Variants in RIPK4 observed in about 807,000 individuals in gnomAD.
The protein encoded by RIPK4 is receptor-interacting serine/threonine-protein kinase 4.
A neutral mutation model predicts 42.9 loss-of-function variants in RIPK4; 17 were observed. The ratio of observed to expected loss-of-function variants is 0.40; its 90% CI spans 0.27 to 0.59. The LOEUF is 0.59. RIPK4 is among the 20% of genes least tolerant of loss of function. The pLI, the probability that RIPK4 is intolerant of heterozygous loss-of-function variation, is 0.47. For synonymous variants in RIPK4, 498 were observed against 499.1 expected (o/e 1.00, Z 0.03); for missense variants, 897 against 1,104.4 (o/e 0.81, Z 2.66).
chr21:41,762,127 TC>T (rs1212789061), intron 1 of RIPK4, among the ~76,000 whole-genome samples: 8 of 151,900 alleles, frequency 5.3e-5, no homozygotes, highest in African/African-American at 1.9e-4. Flanking sequence ...CGGCACGACT[TC>T]CCCCTTCCAT....
chr21:41,760,488 G>A (rs2061217406), intron 1 of RIPK4, among the ~76,000 whole-genome samples: 1 of 152,252 alleles, frequency 6.6e-6, no homozygotes, highest in Non-Finnish European at 1.5e-5. Context: ...AAGGGCCCCT[G>A]AGAGAATCGG....
intron 1 of RIPK4, among the ~76,000 whole-genome samples, chr21:41,765,218 G>C (rs2061232519): frequency 6.6e-6 from 1 of 152,198 alleles, no homozygotes; most frequent in Non-Finnish European, 1.5e-5. Context: ...ATCCCCAAGA[G>C]ATAAAACGAA....
chr21:41,744,526 G>A (rs1349998205), intron 6 of RIPK4, among the ~76,000 whole-genome samples: 1 of 152,240 alleles, frequency 6.6e-6, no homozygotes, highest in East Asian at 1.9e-4. Context: ...CTTAAGGAAA[G>A]ATAGCCTTCA....
At chr21:41,759,074 G>T (rs796262018) in intron 1 of RIPK4, among the ~76,000 whole-genome samples, 2 of 152,156 alleles carry the variant, frequency 1.3e-5, no homozygotes, top group African/African-American at 2.4e-5. Flanking sequence ...TGCATTCCAG[G>T]TTGGGGCTGG....
intron 1 of RIPK4, among the ~76,000 whole-genome samples, chr21:41,763,672 G>C (rs180974860): frequency 6.6e-6 from 1 of 152,180 alleles, no homozygotes; most frequent in Non-Finnish European, 1.5e-5. Flanking sequence ...ATCCAATTAT[G>C]TTCCCAGGGA....
intron 4 of RIPK4, among the ~76,000 whole-genome samples, chr21:41,747,010 T>G (rs1342347674): frequency 1.3e-5 from 2 of 152,248 alleles, no homozygotes; most frequent in African/African-American, 4.8e-5. Flanking sequence ...GGTTCTGATC[T>G]ACCAGAAGGA....
rs971015441 is a variant in RIPK4, at chr21:41,741,067, A to G, written c.2126T>C (p.Leu709Pro). 5.0e-6 allele frequency: 8 copies of G among 1,610,948 alleles called. No individual in the cohort carries two copies. The Admixed American group carries it at 1.0e-4, about 20-fold the overall frequency. Residue 709 changes from leucine to proline, a missense_variant, in exon 8 of 8, where the codon CTG (leucine) becomes CCG (proline). Coordinates refer to ENST00000332512, the MANE Select transcript of RIPK4 (RefSeq NM_020639.3). ...RGPLNQTALH[L>P]AAAHGHSEVV... ...CTCCGAGTGCCCGTGGGCGGCAGCC[A>G]GGTGCAGCGCCGTCTGGTTCAGGGG...
chr21:41,743,530 C>G (rs2061160974), intron 7 of RIPK4, among the ~76,000 whole-genome samples: 1 of 152,166 alleles, frequency 6.6e-6, no homozygotes, highest in Admixed American at 6.5e-5. Flanking sequence ...ACTGCCACGC[C>G]CGAGACAGGA....
At chr21:41,764,989 T>C (rs1368461306) in intron 1 of RIPK4, among the ~76,000 whole-genome samples, 1 of 152,206 alleles carries the variant, frequency 6.6e-6, no homozygotes, top group Non-Finnish European at 1.5e-5. Flanking sequence ...CAAAACACTT[T>C]TCAACCAAGC....
At chr21:41,760,259 G>A (rs1424983401) in intron 1 of RIPK4, among the ~76,000 whole-genome samples, 1 of 152,210 alleles carries the variant, frequency 6.6e-6, no homozygotes, top group Admixed American at 6.5e-5. Flanking sequence ...AAGCAGTTCT[G>A]TGTATTGGCA....
intron 6 of RIPK4, among the ~76,000 whole-genome samples, chr21:41,745,267 C>T (rs1281405031): frequency 6.6e-6 from 1 of 152,208 alleles, no homozygotes; most frequent in Non-Finnish European, 1.5e-5. Context: ...ATCAGCTGGG[C>T]CTCACAGGTC....
Position 41,740,788 on chromosome 21 carries a change from A to G in RIPK4, c.*50T>C. On this transcript the variant is annotated 3_prime_UTR_variant, in exon 8 of 8. Coordinates refer to ENST00000332512, the MANE Select transcript of RIPK4 (RefSeq NM_020639.3). ...ATCGTTCCATCCCCACGAGGAACAC[A>G]GGACAGGACAAGAGCCCCACGTGGA... 6.6e-7 allele frequency: 1 copy of G among 1,518,308 alleles called. No homozygotes were observed. The allele number at this position is 1,518,308 out of a possible 1,614,324, so 94.1% of individuals were successfully genotyped here. A position where few individuals can be genotyped will look rare whatever the true frequency, so the allele number is the denominator to read the frequency against.
rs759404185 is a variant in RIPK4 at position 41,751,128 on chromosome 21, G to A, written c.592C>T (p.Arg198Trp). Residue 198 changes from arginine (R) to tryptophan (W), a missense_variant, in exon 3 of 8, where the codon CGG becomes TGG. By Grantham distance (101) the Arg-to-Trp change is moderately radical (BLOSUM62 -3). Coordinates refer to ENST00000332512, the MANE Select transcript of RIPK4 (RefSeq NM_020639.3). This position sits in a 1 kb window ranked among gnomAD's most constrained non-coding sequence, Gnocchi z 4.5. ...LPPERIREKSRLFDTKHDVYS... is the reference protein window; with the variant it reads ...LPPERIREKSWLFDTKHDVYS... ...ACATCGTGCTTGGTGTCGAAGAGCC[G>A]GCTCTTCTCCCTGATGCGCTCTGGA... 2.0e-5 allele frequency: 32 copies of A among 1,614,154 alleles called. No homozygotes were observed. Among genetic ancestry groups the A allele is most frequent in the Non-Finnish European group, 2.3e-5 (27 of 1,180,020 alleles).
chr21:41,763,855 T>C (rs1257955017), intron 1 of RIPK4, among the ~76,000 whole-genome samples: 1 of 152,204 alleles, frequency 6.6e-6, no homozygotes, highest in Non-Finnish European at 1.5e-5. Flanking sequence ...TGGCTTCTTC[T>C]GAGCATCCCC....
chr21:41,754,804 C>A (rs1171440408), intron 2 of RIPK4, among the ~76,000 whole-genome samples: 5 of 152,094 alleles, frequency 3.3e-5, no homozygotes, highest in Non-Finnish European at 5.9e-5. Flanking sequence ...CTGCTACGTG[C>A]AGTGGTCATT....
intron 1 of RIPK4, among the ~76,000 whole-genome samples, chr21:41,760,095 A>T (rs1244375127): frequency 6.6e-6 from 1 of 152,260 alleles, no homozygotes; most frequent in Non-Finnish European, 1.5e-5. Context: ...TGCATAAGAC[A>T]GCCCCAAGGC....
intron 4 of RIPK4, among the ~76,000 whole-genome samples, chr21:41,747,667 T>C (rs2061176039): frequency 6.6e-6 from 1 of 152,212 alleles, no homozygotes; most frequent in Admixed American, 6.5e-5. Flanking sequence ...GTGCAATAAA[T>C]ATCGTTAAGT....
In RIPK4 at chr21:41,741,438, G is replaced by A. The variant is rs765274967; in HGVS notation, c.1755C>T (p.Ile585=). Residue 585 remains isoleucine (I), a synonymous_variant, in exon 8 of 8, where the codon ATC becomes ATT. Transcript: ENST00000332512. ...HYAAWQGHLP[I]VKLLAKQPGV... is the part of the protein sequence containing the mutation. Reference sequence around the variant, plus strand: ...CCGGCTGCTTGGCCAGCAGCTTGACGATGGGCAGGTGGCCCTGCCAGGCAG... The same window carrying A: ...CCGGCTGCTTGGCCAGCAGCTTGACAATGGGCAGGTGGCCCTGCCAGGCAG... 61 of 1,612,880 alleles carry A rather than the reference G, an allele frequency of 3.8e-5. No individual in the cohort carries two copies. Among genetic ancestry groups the A allele is most frequent in the Admixed American group, 5.0e-5 (3 of 60,030 alleles).
rs980487488 is a variant in RIPK4 at position 41,740,415 on chromosome 21, C to T, written c.*423G>A. 2 of 176,928 alleles carry T rather than the reference C, an allele frequency of 1.1e-5. No homozygotes were observed. The highest frequency in any genetic ancestry group is 4.7e-5 in the African/African-American group (2 of 42,390). The allele number at this position is 176,928 out of a possible 1,614,324, so 11.0% of individuals were successfully genotyped here. A position where few individuals can be genotyped will look rare whatever the true frequency, so the allele number is the denominator to read the frequency against. On this transcript the variant is annotated 3_prime_UTR_variant, in exon 8 of 8. Transcript: ENST00000332512. ...ACTTTAAGACAGGCCTCTCTGCCCA[C>T]CGTCATGTATGAAGATAAAAAACAC...
Sources: allele counts gnomAD v4.1 joint callset (sites outside exome capture counted in the v4.1 genomes callset), GRCh38; gene constraint gnomAD v4.1.1; non-coding constraint Gnocchi (gnomAD v3.1); transcripts MANE v1.5; gene names NCBI Gene and HGNC (gene_info 2026-07-23, HGNC 2026-07-21).